Variants in DOCK9 observed in about 807,000 individuals in gnomAD.
DOCK9 encodes dedicator of cytokinesis 9.
In DOCK9, 89 loss-of-function variants were observed where a neutral mutation model predicts 263.3. That is an observed-to-expected ratio of 0.34 (90% CI 0.28 to 0.40). The LOEUF (loss-of-function observed/expected upper bound fraction) is 0.40, where lower values mean the gene tolerates loss of function less well. DOCK9 is among the 10% of genes least tolerant of loss of function. The probability of loss-of-function intolerance (pLI) is 1.00; values close to 1 mark genes in which losing one functional copy is unlikely to be tolerated. For missense variants in DOCK9, 2,140 were observed against 2,603.4 expected (o/e 0.82, Z 3.87); for synonymous variants, 976 against 973.1 (o/e 1.00, Z -0.06).
At position 98,848,635 on chromosome 13, in the gene DOCK9, A is replaced by C; in HGVS notation, c.4018T>G (p.Cys1340Gly). The C allele has an allele frequency of 6.2e-7, 1 of 1,612,306 alleles. No individual in the cohort carries two copies. The highest frequency in any genetic ancestry group is 8.5e-7 in the Non-Finnish European group (1 of 1,179,346). ...CCCATGTACTGGAACTGGTGCAGGC[A>C]GACTCTGCAGGCAAGATGAAAAATT... ...LMDFFTISEVCLHQFQYMGKR... is the reference protein window; with the variant it reads ...LMDFFTISEVGLHQFQYMGKR... The change falls in exon 37 of 53, where the codon TGC (cysteine) becomes GGC (glycine). Residue 1340 changes from cysteine to glycine, a missense_variant. Coordinates refer to ENST00000682017, the MANE Select transcript of DOCK9 (RefSeq NM_001366683.2).
Position 98,991,514 on chromosome 13 carries a change from G to A in DOCK9, c.130-35963C>T, listed in dbSNP as rs2141711841. On this transcript the variant is annotated intron_variant, in intron 1 of 32. Transcript: ENST00000427887. ...ATACACACTGGGTTTCAAAGACTCT[G>A]TGTGACAAAAAGAATGTAAAATATC... Among the ~76,000 whole-genome samples the A allele has an allele frequency of 2.0e-5, 3 of 152,222 alleles. No individual in the cohort carries two copies. The Middle Eastern group carries it at 0.01, about 518-fold the overall frequency.
chr13:98,794,588 G>A lies in DOCK9; in HGVS notation c.*38C>T. 6 of 1,551,984 alleles carry A rather than the reference G, an allele frequency of 3.9e-6. No individual in the cohort carries two copies. Among genetic ancestry groups the A allele is most frequent in the Non-Finnish European group, 5.2e-6 (6 of 1,146,854 alleles). ...TGGAAAGCATCCTGAGTTTGCAAAT[G>A]ACAAAGCAAGTCCCCACACACGGGC... On this transcript the variant is annotated 3_prime_UTR_variant, in exon 53 of 53. Coordinates refer to ENST00000682017, the MANE Select transcript of DOCK9 (RefSeq NM_001366683.2).
In DOCK9 at chr13:98,933,669, C is replaced by T. The variant is rs1595448037; in HGVS notation, c.244-3412G>A. ...ACGTAGTGTAGCATAACTGCTATTT[C>T]TTCGTGCATGTCTTGAACTACACAC... On this transcript the variant is annotated intron_variant, in intron 2 of 52. Coordinates refer to ENST00000682017, the MANE Select transcript of DOCK9 (RefSeq NM_001366683.2). Among the ~76,000 whole-genome samples, 8 of 152,318 alleles carry T rather than the reference C, an allele frequency of 5.3e-5. No homozygotes were observed. In the South Asian group the frequency reaches 1.7e-3, roughly 32 times the overall value.
chr13:98,829,392 T>C lies in DOCK9; in HGVS notation c.4880A>G (p.Lys1627Arg), dbSNP rs745587537. The C allele has an allele frequency of 1.2e-5, 19 of 1,613,736 alleles. No homozygotes were observed. Among genetic ancestry groups the C allele is most frequent in the Non-Finnish European group, 1.6e-5 (19 of 1,179,894 alleles). ...GAGCTCGGGCGTGCTGGCATAGGAT[T>C]TGGCCAGGCTGTACTGGAGGTCCAC... ...MLVDLQYSLA[K>R]SYASTPELRK... Residue 1627 changes from lysine to arginine, a missense_variant, in exon 43 of 53, where the codon AAA becomes AGA. Physicochemically the swap from Lys to Arg is conservative, Grantham distance 26. Transcript: ENST00000682017. This position sits in a 1 kb window ranked among gnomAD's most constrained non-coding sequence, Gnocchi z 4.1.
At chr13:99,087,854 C>G (rs1036948805), upstream of DOCK9, 1 of 152,292 alleles carries the variant, frequency 6.6e-6, no homozygotes. Flanking sequence ...GGTCGGCCTC[C>G]GCAGAGAGTG....
chr13:98,913,892 A>G (rs1440121444), intron 9 of DOCK9, among the ~76,000 whole-genome samples: 3 of 152,164 alleles, frequency 2.0e-5, no homozygotes, highest in Non-Finnish European at 4.4e-5. Flanking sequence ...GTGACCCGAA[A>G]CAATTTCTGT....
At chr13:99,058,801 G>C (rs1441746659) in intron 1 of DOCK9, among the ~76,000 whole-genome samples, 1 of 152,156 alleles carries the variant, frequency 6.6e-6, no homozygotes, top group Non-Finnish European at 1.5e-5. Context: ...ACATGTAGCA[G>C]CCACACACGA....
chr13:98,859,176 G>A (rs2093783930), intron 33 of DOCK9: 1 of 152,224 alleles, frequency 6.6e-6, no homozygotes, highest in South Asian at 2.1e-4. Flanking sequence ...CCTGCTTCTG[G>A]AGCAGTGGCT....
At chr13:99,062,099 T>G (rs972317014) in intron 1 of DOCK9, among the ~76,000 whole-genome samples, 1 of 152,146 alleles carries the variant, frequency 6.6e-6, no homozygotes. Flanking sequence ...CTCGAACTCC[T>G]GAGCCCAAGT....
chr13:98,969,039 G>A (rs992436375), intron 1 of DOCK9, among the ~76,000 whole-genome samples: 8 of 152,324 alleles, frequency 5.3e-5, no homozygotes, highest in African/African-American at 1.9e-4. Flanking sequence ...TGATGTTAGG[G>A]TTTCAGGTAC....
intron 35 of DOCK9, 33 bp downstream of exon 35, chr13:98,853,375 G>A (rs74509146): frequency 0.02 from 28,066 of 1,431,612 alleles, 610 homozygotes; most frequent in South Asian, 0.076. Context: ...GTGCTGAAAC[G>A]AGCAAAACAG....
At chr13:99,038,288 C>CT (rs71419743) in intron 1 of DOCK9, among the ~76,000 whole-genome samples, 4,548 of 85,424 alleles carry the variant, frequency 0.053, 289 homozygotes, top group Non-Finnish European at 0.069. Context: ...TTATGCCCCC[C>CT]TTTTTTTTTT....
rs1246390262 is a variant in DOCK9, at chr13:98,904,277, G to A, written c.1035+355C>T. 8.5e-5 allele frequency among the ~76,000 whole-genome samples: 13 copies of A among 152,326 alleles called. No homozygotes were observed. The East Asian group carries it at 2.5e-3, about 29-fold the overall frequency. ...TTAAATGGAAAAGGTTTGTATTTGAGCCTGAGCCTGGGCTAGTCGGGAATT... is the reference window on the plus strand; with the variant it reads ...TTAAATGGAAAAGGTTTGTATTTGAACCTGAGCCTGGGCTAGTCGGGAATT... On this transcript the variant is annotated intron_variant, in intron 10 of 52. Coordinates refer to ENST00000682017, the MANE Select transcript of DOCK9 (RefSeq NM_001366683.2).
At chr13:98,892,915 G>A (rs1234042191) in intron 15 of DOCK9, among the ~76,000 whole-genome samples, 6 of 152,274 alleles carry the variant, frequency 3.9e-5, no homozygotes, top group South Asian at 2.1e-4. Context: ...AAGAGGAGGC[G>A]GCTCAGGCAG....
At chr13:98,813,174 A>T (rs2140320081) in intron 45 of DOCK9, among the ~76,000 whole-genome samples, 1 of 152,300 alleles carries the variant, frequency 6.6e-6, no homozygotes, top group East Asian at 1.9e-4. Flanking sequence ...TTTTCTCTTT[A>T]TAACTATGTC....
At chr13:98,957,658 A>G (rs1279546880) in intron 1 of DOCK9, among the ~76,000 whole-genome samples, 2 of 151,928 alleles carry the variant, frequency 1.3e-5, no homozygotes, top group African/African-American at 4.8e-5. Flanking sequence ...TTACTCTTTT[A>G]TTTGTTTGTC....
At chr13:98,999,812 TTGGACAGAAGCC>T (rs1256139650) in intron 1 of DOCK9, among the ~76,000 whole-genome samples, 2 of 152,174 alleles carry the variant, frequency 1.3e-5, no homozygotes, top group Non-Finnish European at 1.5e-5. Flanking sequence ...AGAGTATGAT[TTGGACAGAAGCC>T]TGTATCCTTC....
At chr13:98,898,422 T>C (rs2139338108) in intron 13 of DOCK9, among the ~76,000 whole-genome samples, 161 bp from the exon 14 acceptor site, 1 of 152,364 alleles carries the variant, frequency 6.6e-6, no homozygotes, top group East Asian at 1.9e-4. Flanking sequence ...ATTCACACTC[T>C]GTGCAGAGTA....
chr13:98,844,895 T>C (rs1309487931), intron 38 of DOCK9, among the ~76,000 whole-genome samples: 1 of 152,188 alleles, frequency 6.6e-6, no homozygotes, highest in Non-Finnish European at 1.5e-5. Flanking sequence ...TTAGACATGA[T>C]GGAAGGATAT....
Sources: gnomAD v4.1 joint callset for allele counts (sites outside exome capture counted in the v4.1 genomes callset) on GRCh38, gnomAD v4.1.1 for gene constraint, Gnocchi (gnomAD v3.1) non-coding constraint, MANE v1.5 for transcripts, NCBI Gene and HGNC (gene_info 2026-07-23, HGNC 2026-07-21) for gene names.